SCLT1: variants seen among roughly 807,000 people sequenced by gnomAD.
SCLT1 encodes sodium channel and clathrin linker 1, also known as sodium channel-associated protein 1.
Under a neutral mutation model 112.8 loss-of-function variants are expected in SCLT1, and 78 were observed. The ratio of observed to expected loss-of-function variants is 0.69; its 90% CI spans 0.58 to 0.83. The LOEUF (loss-of-function observed/expected upper bound fraction) is 0.83, where lower values mean the gene tolerates loss of function less well. Among genes scored for constraint, SCLT1 ranks in the 40% least tolerant of loss-of-function variants. The pLI is 0.00. For synonymous variants in SCLT1, 257 were observed against 254.7 expected (o/e 1.01, Z -0.09); for missense variants, 747 against 770.4 (o/e 0.97, Z 0.36).
rs73847345 is a variant in SCLT1 at position 128,993,336 on chromosome 4, G to A, written c.616-1099C>T. 3.8e-3 allele frequency among the ~76,000 whole-genome samples: 571 copies of A among 152,098 alleles called. 1 individual carries two copies. The highest frequency in any genetic ancestry group is 0.011 in the African/African-American group (475 of 41,522). ...GGATCAGCTTTTCCCAGAACTCCTA[G>A]TGCCTGGCACATGATTGAGTACATC... is the stretch of plus-strand genomic sequence containing the variant. On this transcript the variant is annotated intron_variant, in intron 8 of 20. Coordinates refer to ENST00000281142, the MANE Select transcript of SCLT1 (RefSeq NM_144643.4).
intron 1 of SCLT1, among the ~76,000 whole-genome samples, chr4:129,084,246 G>A (rs1752204991): frequency 6.6e-6 from 1 of 152,052 alleles, no homozygotes; most frequent in Non-Finnish European, 1.5e-5. Flanking sequence ...TGAAACAACT[G>A]TCATTATTCA....
Position 129,043,275 on chromosome 4 carries a change from T to C in SCLT1, c.234+120A>G, listed in dbSNP as rs961945023. 10 of 645,928 alleles carry C rather than the reference T, an allele frequency of 1.5e-5. No homozygotes were observed. In the South Asian group the frequency reaches 1.6e-4, roughly 10 times the overall value. The allele number at this position is 645,928 out of a possible 1,614,324, so 40.0% of individuals were successfully genotyped here. Reference sequence around the variant, plus strand: ...ACACACATTTACATAGGGCCACCAATTGGTTAGTTACAGCAAATATTCTCT... The same window carrying C: ...ACACACATTTACATAGGGCCACCAACTGGTTAGTTACAGCAAATATTCTCT... On this transcript the variant is annotated intron_variant, in intron 4 of 20. Transcript: ENST00000281142.
chr4:129,037,342 C>A (rs544967738), intron 5 of SCLT1: 2 of 152,268 alleles, frequency 1.3e-5, no homozygotes, highest in Non-Finnish European at 1.5e-5. Context: ...AGATGTCTTG[C>A]AGCTGAAGTT....
In SCLT1 at chr4:128,959,702, T is replaced by TA; in HGVS notation, c.944dup (p.Gln316ThrfsTer6). On this transcript the variant is annotated frameshift_variant, in exon 12 of 21. Coordinates refer to ENST00000281142, the MANE Select transcript of SCLT1 (RefSeq NM_144643.4). LOFTEE classifies it high-confidence loss of function. ...TTTCTAATTCATTGCACTTTGCTTG[T>TA]AGCTCTCTGGTCTGTTTTTCCAGAT... 6.2e-7 allele frequency: 1 copy of TA among 1,613,594 alleles called. No homozygotes were observed. Among genetic ancestry groups the TA allele is most frequent in the Non-Finnish European group, 8.5e-7 (1 of 1,179,650 alleles).
At chr4:129,080,048 G>A (rs1258642620) in intron 2 of SCLT1, among the ~76,000 whole-genome samples, 1 of 152,214 alleles carries the variant, frequency 6.6e-6, no homozygotes, top group Non-Finnish European at 1.5e-5. Flanking sequence ...ATGTCCTGAG[G>A]TTGTACAGGG....
intron 5 of SCLT1, among the ~76,000 whole-genome samples, chr4:129,038,706 A>G (rs1747408443): frequency 6.6e-6 from 1 of 152,188 alleles, no homozygotes; most frequent in Non-Finnish European, 1.5e-5. Flanking sequence ...TCTAACATAC[A>G]TATATATTAT....
At chr4:128,874,182 T>G (rs1400225543) in intron 5 of SCLT1, 1 of 152,630 alleles carries the variant, frequency 6.6e-6, no homozygotes, top group African/African-American at 2.4e-5. Flanking sequence ...TTTTTGCATA[T>G]GAGCAAAAAC....
chr4:128,991,591 C>T (rs1386913078), intron 9 of SCLT1, among the ~76,000 whole-genome samples: 1 of 151,430 alleles, frequency 6.6e-6, no homozygotes, highest in Admixed American at 6.6e-5. Flanking sequence ...GATTAATAAC[C>T]AGAATTGGAA....
At chr4:128,905,404 T>C (rs865965672) in intron 18 of SCLT1, among the ~76,000 whole-genome samples, 4 of 152,160 alleles carry the variant, frequency 2.6e-5, no homozygotes, top group African/African-American at 7.2e-5. Flanking sequence ...TAATATCTGG[T>C]TTCTCTGATT....
chr4:128,916,618 AT>A (rs1443761913), intron 18 of SCLT1, among the ~76,000 whole-genome samples: 1 of 152,204 alleles, frequency 6.6e-6, no homozygotes, highest in Non-Finnish European at 1.5e-5. Context: ...ATAGTTAAAA[AT>A]TACGGTACAT....
At position 129,055,837 on chromosome 4, in the gene SCLT1, A is replaced by C. The variant is rs1749330474; in HGVS notation, c.103-11786T>G. The stretch of plus-strand genomic sequence containing the variant: ...CTGGCATAAAAAAAAAAAAACAAAA[A>C]CAAACAAACAAACAAACAAAACTCC... On this transcript the variant is annotated intron_variant, in intron 2 of 20. Transcript: ENST00000281142. Among the ~76,000 whole-genome samples, 5 of 151,218 alleles carry C rather than the reference A, an allele frequency of 3.3e-5. No individual in the cohort carries two copies. The South Asian group carries it at 1.1e-3, about 32-fold the overall frequency.
intron 2 of SCLT1, among the ~76,000 whole-genome samples, chr4:129,062,615 G>GA (rs1750088197): frequency 6.6e-6 from 1 of 152,050 alleles, no homozygotes; most frequent in Admixed American, 6.6e-5. Flanking sequence ...GCTTGTCTAG[G>GA]AAAAGCTTTA....
At chr4:128,910,831 G>A (rs1408638042) in intron 18 of SCLT1, among the ~76,000 whole-genome samples, 1 of 151,704 alleles carries the variant, frequency 6.6e-6, no homozygotes, top group African/African-American at 2.4e-5. Context: ...CAAAATTTCT[G>A]ATTTTATATT....
At position 128,888,755 on chromosome 4, in the gene SCLT1, T is replaced by A. The variant is rs1483957187; in HGVS notation, c.1928A>T (p.Glu643Val). ...KVAENEKLIL[E>V]HQEKANRLQR... ...AAGTCTGTTGGCTTTTTCTTGATGC[T>A]CTAGAATTAGCTTTTCATTCTATTA... Residue 643 changes from glutamate (E) to valine (V), a missense_variant, in exon 20 of 21, where the codon GAG becomes GTG. By Grantham distance (121) the Glu-to-Val change is moderately radical. Transcript: ENST00000281142. 6.2e-7 allele frequency: 1 copy of A among 1,609,514 alleles called. No individual in the cohort carries two copies. Among genetic ancestry groups the A allele is most frequent in the East Asian group, 2.2e-5 (1 of 44,854 alleles).
At chr4:128,887,180 A>G (rs1463227870) in intron 20 of SCLT1, among the ~76,000 whole-genome samples, 1 of 152,162 alleles carries the variant, frequency 6.6e-6, no homozygotes, top group East Asian at 1.9e-4. Context: ...CCTGACACCA[A>G]AACACATACT....
intron 5 of SCLT1, among the ~76,000 whole-genome samples, chr4:129,031,995 A>G (rs1746767718): frequency 1.3e-5 from 2 of 152,154 alleles, no homozygotes; most frequent in Admixed American, 1.3e-4. Context: ...TATAGCCAAG[A>G]CAATCCTAAG....
At chr4:129,042,781 T>A (rs1461489060) in intron 4 of SCLT1, among the ~76,000 whole-genome samples, 1 of 152,080 alleles carries the variant, frequency 6.6e-6, no homozygotes, top group Non-Finnish European at 1.5e-5. Context: ...TCTGAGTAGC[T>A]AGGACCACAG....
At chr4:128,953,405 C>T (rs1219476246) in intron 13 of SCLT1, among the ~76,000 whole-genome samples, 2 of 152,124 alleles carry the variant, frequency 1.3e-5, no homozygotes, top group Admixed American at 6.5e-5. Context: ...CAACACTGCA[C>T]ACGTGTGAGA....
rs745457179 is a variant in SCLT1, at chr4:129,039,045, C to G, written c.286G>C (p.Glu96Gln). 1.7e-5 allele frequency: 26 copies of G among 1,547,510 alleles called. No individual in the cohort carries two copies. The African/African-American group carries it at 2.6e-4, about 15-fold the overall frequency. Reference protein sequence around the residue: ...LQLENVIKENERLHSELKDAV... With the variant: ...LQLENVIKENQRLHSELKDAV... Reference sequence around the variant, plus strand: ...ACCAATAGTTAATTGATTTACCTTTCATTTTCCTTGATGACATTTTCAAGT... The same window carrying G: ...ACCAATAGTTAATTGATTTACCTTTGATTTTCCTTGATGACATTTTCAAGT... The change falls in exon 5 of 21, where the codon GAA (glutamate) becomes CAA (glutamine). Residue 96 changes from glutamate to glutamine, a missense_variant. By Grantham distance (29) the Glu-to-Gln change is conservative. This residue lies in a region of SCLT1 where 723 missense variants were observed against 721.3 expected (regional missense o/e 1.00). Transcript: ENST00000281142.
Sources: allele counts gnomAD v4.1 joint callset (sites outside exome capture counted in the v4.1 genomes callset), GRCh38; gene constraint gnomAD v4.1.1; regional missense constraint gnomAD v4.1.1; transcripts MANE v1.5; gene names NCBI Gene and HGNC (gene_info 2026-07-23, HGNC 2026-07-21).